Variants in GABRP observed in about 807,000 individuals in gnomAD.
GABRP encodes gamma-aminobutyric acid type A receptor subunit pi, also known as gamma-aminobutyric acid receptor subunit pi.
A neutral mutation model predicts 47.8 loss-of-function variants in GABRP; 52 were observed. That is an observed-to-expected ratio of 1.09 (90% CI 0.87 to 1.37). The LOEUF is 1.37. Ranked by LOEUF, GABRP falls within the 40% of genes most tolerant of loss-of-function variation. The pLI, the probability that GABRP is intolerant of heterozygous loss-of-function variation, is 0.00. For missense variants in GABRP, 525 were observed against 542.8 expected (o/e 0.97, Z 0.33); for synonymous variants, 221 against 205.8 (o/e 1.07, Z -0.63).
chr5:170,808,704 G>A lies in GABRP; in HGVS notation c.784G>A (p.Val262Ile), dbSNP rs1238072570. 36 of 1,614,002 alleles carry A rather than the reference G, an allele frequency of 2.2e-5. No homozygotes were observed. The highest frequency in any genetic ancestry group is 2.9e-5 in the Non-Finnish European group (34 of 1,179,996). ...PSTFLVVLSWVSFWISLDSVP... is the reference protein window; with the variant it reads ...PSTFLVVLSWISFWISLDSVP... ...CACTTTCCTGGTGGTGTTGTCCTGGGTTTCATTTTGGATCTCTCTCGATTC... is the reference window on the plus strand; with the variant it reads ...CACTTTCCTGGTGGTGTTGTCCTGGATTTCATTTTGGATCTCTCTCGATTC... The change falls in exon 8 of 10, where the codon GTT becomes ATT. Residue 262 changes from valine to isoleucine, a missense_variant. Physicochemically the swap from Val to Ile is conservative, Grantham distance 29. Coordinates refer to ENST00000265294, the MANE Select transcript of GABRP (RefSeq NM_014211.3).
chr5:170,784,141 G>C (rs1289665016), intron 1 of GABRP, among the ~76,000 whole-genome samples: 2 of 152,150 alleles, frequency 1.3e-5, no homozygotes, highest in African/African-American at 4.8e-5. Flanking sequence ...TTATCTTCTG[G>C]GATTTTCTTA....
intron 4 of GABRP, among the ~76,000 whole-genome samples, 177 bp from the exon 5 acceptor site, chr5:170,795,031 A>C (rs1272950091): frequency 2.0e-5 from 3 of 146,810 alleles, no homozygotes; most frequent in Non-Finnish European, 4.6e-5. Flanking sequence ...CAGTTACCCC[A>C]GTCTTGGGGT....
At chr5:170,794,529 C>G (rs916205608) in intron 4 of GABRP, 3 of 360,076 alleles carry the variant, frequency 8.3e-6, no homozygotes, top group Admixed American at 8.9e-5. Flanking sequence ...GAGCAGATTT[C>G]CTGAGTAGCA....
Position 170,811,945 on chromosome 5 carries a change from C to T in GABRP, c.1021-11C>T. 1.2e-6 allele frequency: 2 copies of T among 1,611,428 alleles called. No individual in the cohort carries two copies. Among genetic ancestry groups the T allele is most frequent in the Non-Finnish European group, 1.7e-6 (2 of 1,178,108 alleles). ...AAGTCTTTTAAGCTAACTGCATTGTCTATGAACTAGGGGACAACAAAGGAA... is the reference window on the plus strand; with the variant it reads ...AAGTCTTTTAAGCTAACTGCATTGTTTATGAACTAGGGGACAACAAAGGAA... On this transcript the variant is annotated splice_polypyrimidine_tract_variant and intron_variant, in intron 9 of 9. Transcript: ENST00000265294.
chr5:170,787,395 G>T (rs1435518293), intron 1 of GABRP, among the ~76,000 whole-genome samples: 2 of 152,228 alleles, frequency 1.3e-5, no homozygotes, highest in Non-Finnish European at 2.9e-5. Context: ...AGGCTGGCCT[G>T]CCTGGCTACC....
chr5:170,803,579 C>A (rs887893403), intron 6 of GABRP, among the ~76,000 whole-genome samples: 6 of 152,174 alleles, frequency 3.9e-5, no homozygotes, highest in Admixed American at 1.3e-4. Context: ...ACCATCACCA[C>A]ATGTCATTGT....
chr5:170,788,511 G>C, intron 1 of GABRP, 63 bp from the exon 2 acceptor site: 1 of 1,093,968 alleles, frequency 9.1e-7, no homozygotes, highest in Non-Finnish European at 1.4e-6. Context: ...AGAGAGAGAG[G>C]CTGGCCAGGA....
chr5:170,789,446 G>C (rs1765208179), intron 3 of GABRP, among the ~76,000 whole-genome samples, 199 bp downstream of exon 3: 1 of 152,136 alleles, frequency 6.6e-6, no homozygotes, highest in Non-Finnish European at 1.5e-5. Flanking sequence ...CCACCTGCAA[G>C]ATAAAGGAAT....
chr5:170,812,346 A>T lies in GABRP; in HGVS notation c.*88A>T. 1 of 972,122 alleles carries T rather than the reference A, an allele frequency of 1.0e-6. No individual in the cohort carries two copies. The highest frequency in any genetic ancestry group is 2.4e-5 in the East Asian group (1 of 41,896). The allele number at this position is 972,122 out of a possible 1,614,324, so 60.2% of individuals were successfully genotyped here. ...TATTTTAGGCCAAGTGTGCACCCAC[A>T]TCCAATGGTGCTACAAGTGACTGAA... is the stretch of plus-strand genomic sequence containing the variant. On this transcript the variant is annotated 3_prime_UTR_variant, in exon 10 of 10. Transcript: ENST00000265294.
chr5:170,797,662 C>T (rs141931245), intron 6 of GABRP, 114 bp downstream of exon 6: 4 of 688,378 alleles, frequency 5.8e-6, no homozygotes, highest in South Asian at 3.3e-5. Flanking sequence ...GTTGATTCAT[C>T]GTGGATTCAG....
chr5:170,797,170 C>T (rs776342029), intron 5 of GABRP, among the ~76,000 whole-genome samples: 13 of 152,260 alleles, frequency 8.5e-5, no homozygotes, highest in Non-Finnish European at 1.5e-5. Context: ...AATTTAAAAA[C>T]TGGATGCTAA....
upstream of GABRP, among the ~76,000 whole-genome samples, chr5:170,783,365 A>G (rs1765052355): frequency 6.6e-6 from 1 of 152,118 alleles, no homozygotes; most frequent in East Asian, 1.9e-4. Flanking sequence ...GCTGAGGCCT[A>G]AGGAGGTGAA....
chr5:170,788,531 C>T (rs1332172534), intron 1 of GABRP, 43 bp from the exon 2 acceptor site: 2 of 1,350,402 alleles, frequency 1.5e-6, no homozygotes, highest in Admixed American at 1.7e-5. Flanking sequence ...AGCAGGTGAG[C>T]CTGTTGCACG....
intron 6 of GABRP, among the ~76,000 whole-genome samples, chr5:170,798,391 C>G (rs1245671725): frequency 6.6e-6 from 1 of 152,166 alleles, no homozygotes; most frequent in Non-Finnish European, 1.5e-5. Context: ...CGTGAAATTC[C>G]AAGAAGGAGT....
At chr5:170,791,640 G>T (rs1765272429) in intron 3 of GABRP, among the ~76,000 whole-genome samples, 1 of 148,840 alleles carries the variant, frequency 6.7e-6, no homozygotes, top group South Asian at 2.2e-4. Flanking sequence ...AGATTAGACG[G>T]TGTAGAATAT....
chr5:170,801,022 T>C (rs1304192834), intron 6 of GABRP, among the ~76,000 whole-genome samples: 3 of 152,224 alleles, frequency 2.0e-5, no homozygotes, highest in Non-Finnish European at 4.4e-5. Context: ...AATTACTTAA[T>C]CCATGTCTGT....
intron 6 of GABRP, 93 bp downstream of exon 6, chr5:170,797,641 C>A: frequency 2.6e-6 from 2 of 769,436 alleles, no homozygotes; most frequent in South Asian, 1.4e-5. Context: ...AGTGACCTTT[C>A]TTTTCTTAAT....
rs1472461896 is a variant in GABRP at position 170,812,463 on chromosome 5, A to G, written c.*205A>G. The G allele has an allele frequency of 7.2e-6, 4 of 554,922 alleles. No individual in the cohort carries two copies. The highest frequency in any genetic ancestry group is 1.3e-5 in the Non-Finnish European group (4 of 311,696). 34.4% of individuals were successfully genotyped at this position (554,922 alleles called of 1,614,324 possible). On this transcript the variant is annotated 3_prime_UTR_variant, in exon 10 of 10. Coordinates refer to ENST00000265294, the MANE Select transcript of GABRP (RefSeq NM_014211.3). ...CTAGCATTATAGGATCTTGTAATAGAAACATCAGTCCATTCCTCTTTCATC... is the reference window on the plus strand; with the variant it reads ...CTAGCATTATAGGATCTTGTAATAGGAACATCAGTCCATTCCTCTTTCATC...
At chr5:170,789,095 C>T (rs1581588307) in intron 2 of GABRP, 34 bp from the exon 3 acceptor site, 2 of 1,542,968 alleles carry the variant, frequency 1.3e-6, no homozygotes, top group Non-Finnish European at 1.8e-6. Flanking sequence ...CACACATAAA[C>T]AAGCAAACAC....
Sources: gnomAD v4.1 joint callset for allele counts (sites outside exome capture counted in the v4.1 genomes callset) on GRCh38, gnomAD v4.1.1 for gene constraint, MANE v1.5 for transcripts, NCBI Gene and HGNC (gene_info 2026-07-23, HGNC 2026-07-21) for gene names.